Variants in ZNF407 observed in about 807,000 individuals in gnomAD.
ZNF407 encodes zinc finger protein 407.
ZNF407 carries 17 observed loss-of-function variants against 131.2 expected under a neutral mutation model. The observed-to-expected ratio is 0.13, with a 90% confidence interval of 0.09 to 0.19. The LOEUF (loss-of-function observed/expected upper bound fraction) is 0.19, where lower values mean the gene tolerates loss of function less well. ZNF407 is among the 10% of genes least tolerant of loss of function. ZNF407 has a pLI of 1.00. For missense variants in ZNF407, 2,681 were observed against 2,830.6 expected (o/e 0.95, Z 1.20); for synonymous variants, 1,156 against 1,062.0 (o/e 1.09, Z -1.72).
chr18:74,645,076 G>A (rs1984905690), intron 3 of ZNF407, among the ~76,000 whole-genome samples: 1 of 151,718 alleles, frequency 6.6e-6, no homozygotes, highest in Non-Finnish European at 1.5e-5. Flanking sequence ...CACTTATTAA[G>A]TGTTGTTTTA....
chr18:74,814,488 CT>C (rs372194285), intron 4 of ZNF407, among the ~76,000 whole-genome samples: 1 of 152,084 alleles, frequency 6.6e-6, no homozygotes, highest in Non-Finnish European at 1.5e-5. Flanking sequence ...TGTATGTTTA[CT>C]TGAGCTATTT....
intron 8 of ZNF407, among the ~76,000 whole-genome samples, chr18:74,959,444 CCT>C (rs769502790): frequency 6.6e-6 from 1 of 152,178 alleles, no homozygotes; most frequent in Non-Finnish European, 1.5e-5. Context: ...GACAATTTCC[CCT>C]TTTTAACTTG....
chr18:74,766,573 G>A (rs1169462610), intron 3 of ZNF407, among the ~76,000 whole-genome samples: 1 of 152,172 alleles, frequency 6.6e-6, no homozygotes, highest in Non-Finnish European at 1.5e-5. Flanking sequence ...TCTAGGAAAT[G>A]GAATTTGGCT....
intron 8 of ZNF407, among the ~76,000 whole-genome samples, chr18:74,960,061 T>C (rs1972321242): frequency 6.6e-6 from 1 of 152,242 alleles, no homozygotes; most frequent in African/African-American, 2.4e-5. Context: ...TTTTGTATAA[T>C]TGAAGATCAG....
At chr18:74,791,080 A>C (rs148665350) in intron 4 of ZNF407, among the ~76,000 whole-genome samples, 1 of 152,174 alleles carries the variant, frequency 6.6e-6, no homozygotes, top group Non-Finnish European at 1.5e-5. Context: ...CTTAGTACTC[A>C]TAGGAGAAAA....
chr18:75,002,159 T>C (rs1361040465), intron 8 of ZNF407, among the ~76,000 whole-genome samples: 2 of 152,224 alleles, frequency 1.3e-5, no homozygotes, highest in African/African-American at 4.8e-5. Flanking sequence ...AGGGCTTATG[T>C]GTTTTTAAAA....
chr18:74,954,910 A>G (rs1972258542), intron 8 of ZNF407, among the ~76,000 whole-genome samples: 1 of 152,240 alleles, frequency 6.6e-6, no homozygotes, highest in Admixed American at 6.5e-5. Flanking sequence ...CACTGGATAT[A>G]TCCACTCTAA....
intron 8 of ZNF407, among the ~76,000 whole-genome samples, chr18:74,925,657 CACAT>C (rs1176991071): frequency 6.6e-6 from 1 of 152,222 alleles, no homozygotes. Flanking sequence ...GATGCCCTGA[CACAT>C]GTCATGACAT....
In ZNF407 at chr18:74,676,674, TCTGC is replaced by T. The variant is rs1337606346; in HGVS notation, c.4802+35554_4802+35557del. The stretch of plus-strand genomic sequence containing the variant: ...TGGTCTCGATCTCCTGACCTCGTGA[TCTGC>T]CCGCCTTGGCCTCCCAGAATGCTGG... On this transcript the variant is annotated intron_variant, in intron 3 of 8. Transcript: ENST00000299687. Among the ~76,000 whole-genome samples the T allele has an allele frequency of 6.9e-3, 1,054 of 152,240 alleles. 13 individuals are homozygous for T. The highest frequency in any genetic ancestry group is 0.025 in the African/African-American group (1,018 of 41,540).
chr18:74,803,497 C>T (rs1406142071), intron 4 of ZNF407, among the ~76,000 whole-genome samples: 2 of 152,108 alleles, frequency 1.3e-5, no homozygotes, highest in East Asian at 3.9e-4. Flanking sequence ...TGACAAAATT[C>T]ATTTTGCATT....
At position 75,009,918 on chromosome 18, in the gene ZNF407, T is replaced by G. The variant is rs78964011; in HGVS notation, c.5429-53232T>G. Among the ~76,000 whole-genome samples, 1,208 of 152,314 alleles carry G rather than the reference T, an allele frequency of 7.9e-3. 11 individuals are homozygous for G. Among genetic ancestry groups the G allele is most frequent in the African/African-American group, 0.022 (916 of 41,570 alleles). On this transcript the variant is annotated intron_variant, in intron 8 of 8. Transcript: ENST00000299687. ...TTATTTCTAAAATCAGAAATCCCAA[T>G]TATTTGTTTTAACATAGAATTGCAT...
At chr18:74,753,611 A>G (rs909364044) in intron 3 of ZNF407, among the ~76,000 whole-genome samples, 1 of 152,106 alleles carries the variant, frequency 6.6e-6, no homozygotes, top group African/African-American at 2.4e-5. Flanking sequence ...CTATTGAGAT[A>G]ATTGTGGTTT....
chr18:74,942,883 ATTATT>A (rs1389379699), intron 8 of ZNF407, among the ~76,000 whole-genome samples: 2 of 151,644 alleles, frequency 1.3e-5, no homozygotes, highest in African/African-American at 2.4e-5. Context: ...CAATATCCGT[ATTATT>A]TTGTTTTATT....
intron 8 of ZNF407, among the ~76,000 whole-genome samples, chr18:74,947,380 G>T (rs1972165301): frequency 6.6e-6 from 1 of 152,164 alleles, no homozygotes; most frequent in African/African-American, 2.4e-5. Context: ...CAGCTGAGCT[G>T]CTTCTTACTT....
intron 7 of ZNF407, among the ~76,000 whole-genome samples, chr18:74,916,575 A>ATGTG (rs1971769945): frequency 3.8e-5 from 1 of 26,562 alleles, no homozygotes; most frequent in Non-Finnish European, 6.8e-5. Flanking sequence ...GTGTGTGTGC[A>ATGTG]TGCATGTGTG....
At chr18:74,779,553 G>GT (rs1969556276) in intron 3 of ZNF407, among the ~76,000 whole-genome samples, 1 of 152,062 alleles carries the variant, frequency 6.6e-6, no homozygotes, top group Non-Finnish European at 1.5e-5. Flanking sequence ...CAATTGAGCT[G>GT]TGTTATAGTA....
intron 4 of ZNF407, among the ~76,000 whole-genome samples, chr18:74,848,502 C>T (rs1970733407): frequency 6.6e-6 from 1 of 152,124 alleles, no homozygotes; most frequent in Non-Finnish European, 1.5e-5. Flanking sequence ...CTGTCTAATC[C>T]TTGGTTTCAA....
At chr18:74,756,440 A>G (rs200079563) in intron 3 of ZNF407, among the ~76,000 whole-genome samples, 2 of 152,206 alleles carry the variant, frequency 1.3e-5, no homozygotes, top group East Asian at 1.9e-4. Flanking sequence ...TTGTGTTCCA[A>G]TGCATGAACA....
intron 3 of ZNF407, among the ~76,000 whole-genome samples, chr18:74,697,230 A>G (rs1428941834): frequency 6.6e-6 from 1 of 151,810 alleles, no homozygotes; most frequent in African/African-American, 2.4e-5. Flanking sequence ...TAGCTTTTTC[A>G]TTTTCTATTA....
Sources: gnomAD v4.1 joint callset for allele counts (sites outside exome capture counted in the v4.1 genomes callset) on GRCh38, gnomAD v4.1.1 for gene constraint, MANE v1.5 for transcripts, NCBI Gene and HGNC (gene_info 2026-07-23, HGNC 2026-07-21) for gene names.